PCDHA6: variants seen among roughly 807,000 people sequenced by gnomAD.
PCDHA6 encodes protocadherin alpha-6.
In PCDHA6, 55 loss-of-function variants were observed where a neutral mutation model predicts 60.3. That is an observed-to-expected ratio of 0.91 (90% CI 0.73 to 1.14). PCDHA6 has a LOEUF of 1.14. Ranked by LOEUF, PCDHA6 falls within the 50% of genes most tolerant of loss-of-function variation. PCDHA6 has a pLI of 0.00. For synonymous variants in PCDHA6, 652 were observed against 557.9 expected (o/e 1.17, Z -2.38); for missense variants, 1,327 against 1,256.5 (o/e 1.06, Z -0.85).
chr5:140,984,258 CA>C (rs1563514144), intron 3 of PCDHA6, among the ~76,000 whole-genome samples: 1 of 152,262 alleles, frequency 6.6e-6, no homozygotes, highest in East Asian at 1.9e-4. Context: ...TGGTAAGCCA[CA>C]AACTAACTTT....
intron 1 of PCDHA6, among the ~76,000 whole-genome samples, chr5:140,902,906 G>T (rs1047423029): frequency 9.2e-5 from 14 of 152,162 alleles, no homozygotes; most frequent in Admixed American, 3.3e-4. Context: ...TTAGTTTATG[G>T]CTGAGTAGTA....
chr5:140,866,372 AT>A (rs1191186521), intron 1 of PCDHA6: 2 of 152,168 alleles, frequency 1.3e-5, no homozygotes, highest in East Asian at 3.8e-4. Context: ...GCATACTTCA[AT>A]AACAATTTTA....
rs1351628380 is a variant in PCDHA6, at chr5:140,928,607, G to A, written c.2395-50342G>A. ...TCTGTCCCAGTGGAAATTGTGCCCC[G>A]CTCTGCCAGGACTGGACACTTGGTC... On this transcript the variant is annotated intron_variant, in intron 1 of 3. Coordinates refer to ENST00000529310, the MANE Select transcript of PCDHA6 (RefSeq NM_018909.4). 3.1e-6 allele frequency: 5 copies of A among 1,614,068 alleles called. No homozygotes were observed. In the South Asian group the frequency reaches 3.3e-5, roughly 11 times the overall value.
At chr5:140,970,327 A>AGCATG (rs2096397524) in intron 1 of PCDHA6, among the ~76,000 whole-genome samples, 1 of 152,204 alleles carries the variant, frequency 6.6e-6, no homozygotes, top group African/African-American at 2.4e-5. Context: ...GTACTTCCAA[A>AGCATG]GCATGCATTC....
intron 1 of PCDHA6, chr5:140,862,812 C>G (rs782335970): frequency 1.7e-6 from 1 of 572,078 alleles, no homozygotes; most frequent in Non-Finnish European, 3.4e-6. Context: ...TGCTGCAGTT[C>G]TAGGTGAGAG....
chr5:140,946,491 G>T (rs1292553232), intron 1 of PCDHA6, among the ~76,000 whole-genome samples: 2 of 151,676 alleles, frequency 1.3e-5, no homozygotes, highest in Middle Eastern at 3.4e-3. Context: ...CAAAGGAAAT[G>T]AAATCAGTAT....
intron 1 of PCDHA6, among the ~76,000 whole-genome samples, chr5:140,978,524 C>G (rs1554239389): frequency 2.0e-5 from 3 of 152,208 alleles, no homozygotes; most frequent in Admixed American, 6.5e-5. Context: ...TCCAGCCAGG[C>G]CAGCAGAACT....
intron 1 of PCDHA6, among the ~76,000 whole-genome samples, chr5:140,886,192 G>A (rs2060891690): frequency 6.6e-6 from 1 of 152,118 alleles, no homozygotes; most frequent in Non-Finnish European, 1.5e-5. Context: ...CTGGCAAGCA[G>A]TAATCTGTTC....
chr5:140,924,714 G>C (rs2081964744), intron 1 of PCDHA6, among the ~76,000 whole-genome samples: 1 of 151,860 alleles, frequency 6.6e-6, no homozygotes, highest in African/African-American at 2.4e-5. Context: ...GTGCAACATG[G>C]CGAAACCTCA....
intron 3 of PCDHA6, among the ~76,000 whole-genome samples, chr5:140,985,392 C>T (rs1329580146): frequency 6.6e-6 from 1 of 152,172 alleles, no homozygotes; most frequent in Non-Finnish European, 1.5e-5. Context: ...CCAGTCACCC[C>T]AACTGTTCCC....
intron 1 of PCDHA6, chr5:140,836,683 C>T (rs2150267743): frequency 6.8e-6 from 11 of 1,613,526 alleles, no homozygotes; most frequent in Non-Finnish European, 9.3e-6. Context: ...CCACCCAAGA[C>T]AGACCTCATG....
At chr5:140,840,491 G>T (rs1308203104) in intron 1 of PCDHA6, among the ~76,000 whole-genome samples, 3 of 152,018 alleles carry the variant, frequency 2.0e-5, no homozygotes, top group Non-Finnish European at 2.9e-5. Context: ...GCATAATTCT[G>T]GTAAATACTC....
intron 1 of PCDHA6, among the ~76,000 whole-genome samples, chr5:140,977,308 A>G (rs2096754925): frequency 6.6e-6 from 1 of 152,230 alleles, no homozygotes; most frequent in South Asian, 2.1e-4. Context: ...CAAGCTAACG[A>G]TAGTGCTCCT....
intron 1 of PCDHA6, chr5:140,831,357 T>C (rs2150193873): frequency 9.0e-6 from 1 of 110,600 alleles, no homozygotes; most frequent in Non-Finnish European, 1.9e-5. Context: ...TATTCACTAT[T>C]TTGTATGTGT....
In PCDHA6 at chr5:140,844,942, G is replaced by GGACTCT. The variant is rs2150375378; in HGVS notation, c.2394+14460_2394+14465dup. On this transcript the variant is annotated intron_variant, in intron 1 of 3. Transcript: ENST00000529310. ...GATGGAAGGGAATGAACGATTTCTG[G>GGACTCT]GACTCTGAATTCTTACAGTTTGTTA... Among the ~76,000 whole-genome samples, 244 of 149,148 alleles carry GGACTCT rather than the reference G, an allele frequency of 1.6e-3. 12 individuals are homozygous for GGACTCT. The highest frequency in any genetic ancestry group is 2.1e-3 in the Non-Finnish European group (141 of 66,614).
intron 1 of PCDHA6, among the ~76,000 whole-genome samples, chr5:140,905,939 T>A (rs1583575409): frequency 6.6e-6 from 1 of 152,288 alleles, no homozygotes; most frequent in African/African-American, 2.4e-5. Context: ...GCTGAAGAAC[T>A]TGGAATCCGA....
chr5:140,862,327 A>G (rs1317111352), intron 1 of PCDHA6: 1 of 326,932 alleles, frequency 3.1e-6, no homozygotes, highest in Non-Finnish European at 6.0e-6. Context: ...TAATCAGTGT[A>G]ATTGACCCTA....
chr5:140,988,299 G>A (rs2097291981), intron 3 of PCDHA6, among the ~76,000 whole-genome samples: 2 of 152,218 alleles, frequency 1.3e-5, no homozygotes, highest in Non-Finnish European at 2.9e-5. Context: ...GCCCAGGAGT[G>A]CCAGCTTGGC....
At chr5:140,896,148 G>A (rs1185038418) in intron 1 of PCDHA6, among the ~76,000 whole-genome samples, 1 of 152,162 alleles carries the variant, frequency 6.6e-6, no homozygotes, top group Non-Finnish European at 1.5e-5. Flanking sequence ...CACCATTGAT[G>A]GGCATTTAGG....
Sources: gnomAD v4.1 joint callset for allele counts (sites outside exome capture counted in the v4.1 genomes callset) on GRCh38, gnomAD v4.1.1 for gene constraint, MANE v1.5 for transcripts, NCBI Gene and HGNC (gene_info 2026-07-23, HGNC 2026-07-21) for gene names.